The following PRKCE variants were observed in gnomAD, a reference collection of about 807,000 sequenced individuals.
The protein encoded by PRKCE is protein kinase C epsilon, also known as protein kinase C epsilon type.
PRKCE carries 16 observed loss-of-function variants against 85.4 expected under a neutral mutation model. That is an observed-to-expected ratio of 0.19 (90% CI 0.13 to 0.28). PRKCE has a LOEUF of 0.28. Ranked by LOEUF, PRKCE falls within the 10% of genes least tolerant of loss-of-function variation. PRKCE has a pLI of 1.00. For synonymous variants in PRKCE, 388 were observed against 371.5 expected (o/e 1.04, Z -0.51); for missense variants, 573 against 975.2 (o/e 0.59, Z 5.49).
At chr2:45,950,085 A>C (rs549494871) in intron 2 of PRKCE, among the ~76,000 whole-genome samples, 4 of 152,258 alleles carry the variant, frequency 2.6e-5, no homozygotes, top group African/African-American at 9.6e-5. Context: ...TCAAGTTTTT[A>C]ATTTCTTTTT....
intron 1 of PRKCE, among the ~76,000 whole-genome samples, chr2:45,835,026 G>A (rs1488313134): frequency 6.6e-6 from 1 of 152,220 alleles, no homozygotes; most frequent in Non-Finnish European, 1.5e-5. Flanking sequence ...TGGCTCAGCT[G>A]TGTGCCTGTG....
intron 2 of PRKCE, among the ~76,000 whole-genome samples, chr2:45,962,021 A>G (rs1701417267): frequency 6.6e-6 from 1 of 152,094 alleles, no homozygotes; most frequent in Non-Finnish European, 1.5e-5. Context: ...ACTGTGGTAG[A>G]CCTCAACCCC....
intron 1 of PRKCE, among the ~76,000 whole-genome samples, chr2:45,673,411 T>C (rs1385951368): frequency 6.6e-6 from 1 of 152,234 alleles, no homozygotes; most frequent in Non-Finnish European, 1.5e-5. Context: ...ATCAGTTTTC[T>C]GGATGGCAAT....
At chr2:45,782,684 C>T (rs1267906248) in intron 1 of PRKCE, among the ~76,000 whole-genome samples, 1 of 152,106 alleles carries the variant, frequency 6.6e-6, no homozygotes, top group Non-Finnish European at 1.5e-5. Context: ...ACTTTTCTTC[C>T]TCACCAGCTA....
intron 2 of PRKCE, among the ~76,000 whole-genome samples, chr2:45,894,438 A>G (rs1226670715): frequency 6.6e-6 from 1 of 150,968 alleles, no homozygotes; most frequent in East Asian, 1.9e-4. Context: ...AACTAGATGG[A>G]ATGCTCTGGG....
rs779396176 is a variant in PRKCE, at chr2:45,722,578, G to A, written c.348+70130G>A. 2.0e-4 allele frequency among the ~76,000 whole-genome samples: 30 copies of A among 152,170 alleles called. 1 individual carries two copies. Among genetic ancestry groups the A allele is most frequent in the African/African-American group, 6.5e-4 (27 of 41,444 alleles). ...AAACTCAGGTCTTGGATCTCCCTTC[G>A]GAAATGGGAAGATGAGGAAAAGCAG... is the stretch of plus-strand genomic sequence containing the variant. On this transcript the variant is annotated intron_variant, in intron 1 of 14. Coordinates refer to ENST00000306156, the MANE Select transcript of PRKCE (RefSeq NM_005400.3).
intron 10 of PRKCE, among the ~76,000 whole-genome samples, chr2:46,064,782 G>T (rs956638845): frequency 2.0e-5 from 3 of 152,196 alleles, no homozygotes; most frequent in Non-Finnish European, 4.4e-5. Flanking sequence ...ATTCTCTTGG[G>T]CTCTTTCTGG....
intron 1 of PRKCE, among the ~76,000 whole-genome samples, chr2:45,765,593 A>G (rs1684848181): frequency 6.6e-6 from 1 of 152,006 alleles, no homozygotes; most frequent in Non-Finnish European, 1.5e-5. Flanking sequence ...ATTCTTTTTC[A>G]CTTCTTTCTT....
intron 2 of PRKCE, among the ~76,000 whole-genome samples, chr2:45,885,749 A>G (rs1695250274): frequency 6.6e-6 from 1 of 152,224 alleles, no homozygotes; most frequent in Non-Finnish European, 1.5e-5. Flanking sequence ...TTCATATTGC[A>G]GTGTAAAATG....
At chr2:46,140,784 T>C (rs1675437585) in intron 11 of PRKCE, among the ~76,000 whole-genome samples, 1 of 152,164 alleles carries the variant, frequency 6.6e-6, no homozygotes, top group Non-Finnish European at 1.5e-5. Context: ...CTGTATGCCC[T>C]TTCATGCATG....
chr2:45,767,068 G>T (rs1415812243), intron 1 of PRKCE, among the ~76,000 whole-genome samples: 1 of 151,858 alleles, frequency 6.6e-6, no homozygotes, highest in Non-Finnish European at 1.5e-5. Flanking sequence ...AACTTCCTGT[G>T]GGCAAATTTG....
chr2:46,020,337 AT>A (rs1468906457), intron 10 of PRKCE, among the ~76,000 whole-genome samples: 1 of 152,122 alleles, frequency 6.6e-6, no homozygotes. Flanking sequence ...GGAAGATAAC[AT>A]TTGAAGAAAG....
intron 10 of PRKCE, among the ~76,000 whole-genome samples, chr2:46,043,957 A>G (rs1293155388): frequency 6.6e-6 from 1 of 152,200 alleles, no homozygotes; most frequent in Non-Finnish European, 1.5e-5. Context: ...AGTCATGAGT[A>G]TCTGGCCCAC....
rs534805618 is a variant in PRKCE at position 45,923,567 on chromosome 2, A to C, written c.413-52862A>C. 3.9e-5 allele frequency among the ~76,000 whole-genome samples: 6 copies of C among 152,232 alleles called. No individual in the cohort carries two copies. In the South Asian group the frequency reaches 1.2e-3, roughly 32 times the overall value. On this transcript the variant is annotated intron_variant, in intron 2 of 14. Transcript: ENST00000306156. ...TTCTGTCAACCAGCCAGGTGTGTTT[A>C]TCACCTCAGCTGTGCCCTCAGCCCT...
intron 1 of PRKCE, among the ~76,000 whole-genome samples, chr2:45,676,531 A>G (rs1162040953): frequency 6.6e-6 from 1 of 152,260 alleles, no homozygotes; most frequent in Non-Finnish European, 1.5e-5. Context: ...GATAGAGAGG[A>G]AGATGGTTCT....
In PRKCE at chr2:46,001,482, A is replaced by G. The variant is rs1009284111; in HGVS notation, c.902A>G (p.Lys301Arg). 24 of 1,599,448 alleles carry G rather than the reference A, an allele frequency of 1.5e-5. No homozygotes were observed. The highest frequency in any genetic ancestry group is 2.0e-5 in the Non-Finnish European group (24 of 1,179,860). Residue 301 changes from lysine (K) to arginine (R), a missense_variant, in exon 7 of 15, where the codon AAA becomes AGA. Physicochemically the swap from Lys to Arg is conservative, Grantham distance 26. Coordinates refer to ENST00000306156, the MANE Select transcript of PRKCE (RefSeq NM_005400.3). This position sits in a 1 kb window ranked among gnomAD's most constrained non-coding sequence, Gnocchi z 4.4. Reference protein sequence around the residue: ...NCGVDARGIAKVLADLGVTPD... With the variant: ...NCGVDARGIARVLADLGVTPD... ...GGAGTGGATGCCAGAGGAATCGCCA[A>G]AGTACTGGCCGACCTGGGCGTTACC...
chr2:45,735,683 C>T (rs1681996395), intron 1 of PRKCE, among the ~76,000 whole-genome samples: 1 of 152,132 alleles, frequency 6.6e-6, no homozygotes, highest in Non-Finnish European at 1.5e-5. Flanking sequence ...TTGGAGGAAC[C>T]AAAGAGAAAA....
intron 3 of PRKCE, chr2:45,978,404 T>C (rs1702625252): frequency 6.5e-6 from 1 of 152,780 alleles, no homozygotes; most frequent in Non-Finnish European, 1.5e-5. Context: ...GCTGACTTTC[T>C]GTCTTGCCCT....
chr2:45,963,717 C>G (rs1051740272), intron 2 of PRKCE, among the ~76,000 whole-genome samples: 2 of 152,166 alleles, frequency 1.3e-5, no homozygotes, highest in Non-Finnish European at 2.9e-5. Flanking sequence ...TCTTCCTTCC[C>G]AGGTCATCTA....
Sources: allele counts gnomAD v4.1 joint callset (sites outside exome capture counted in the v4.1 genomes callset), GRCh38; gene constraint gnomAD v4.1.1; non-coding constraint Gnocchi (gnomAD v3.1); transcripts MANE v1.5; gene names NCBI Gene and HGNC (gene_info 2026-07-23, HGNC 2026-07-21).